The following SLC9A9 variants were observed in gnomAD, a reference collection of about 807,000 sequenced individuals.
The protein encoded by SLC9A9 is solute carrier family 9 member A9.
In SLC9A9, 62 loss-of-function variants were observed where a neutral mutation model predicts 77.8. That is an observed-to-expected ratio of 0.80 (90% confidence interval 0.65 to 0.98). SLC9A9 has a LOEUF of 0.98. Ranked by LOEUF, SLC9A9 falls within the 50% of genes least tolerant of loss-of-function variation. SLC9A9 has a pLI of 0.00. For synonymous variants in SLC9A9, 320 were observed against 283.5 expected, an observed-to-expected ratio of 1.13 and a Z score of -1.29; for missense variants, 775 against 774.9, an observed-to-expected ratio of 1.00 and a Z score of 0.00.
intron 6 of SLC9A9, among the ~76,000 whole-genome samples, chr3:143,606,249 A>G (rs927693273): frequency 6.6e-6 from 1 of 151,896 alleles, no homozygotes; most frequent in African/African-American, 2.4e-5. Flanking sequence ...TACTAAAAAT[A>G]CAAAAATTAG....
intron 4 of SLC9A9, among the ~76,000 whole-genome samples, chr3:143,697,352 C>A (rs1055699290): frequency 6.6e-6 from 1 of 152,078 alleles, no homozygotes; most frequent in Non-Finnish European, 1.5e-5. Flanking sequence ...AATTCGATGA[C>A]TCCTCCTTTT....
Position 143,467,025 on chromosome 3 carries a change from G to T in SLC9A9, c.1469+12C>A. Reference sequence around the variant, plus strand: ...CTCATAATGATTTCCTTTGCTAGACGGTGTCACTCACCTGATCTGAAGCCA... The same window carrying T: ...CTCATAATGATTTCCTTTGCTAGACTGTGTCACTCACCTGATCTGAAGCCA... On this transcript the variant is annotated intron_variant, in intron 12 of 15. Coordinates refer to ENST00000316549, the MANE Select transcript of SLC9A9 (RefSeq NM_173653.4). 1 of 1,612,516 alleles carries T rather than the reference G, an allele frequency of 6.2e-7. No individual in the cohort carries two copies. Among genetic ancestry groups the T allele is most frequent in the South Asian group, 1.1e-5 (1 of 90,706 alleles).
intron 1 of SLC9A9, among the ~76,000 whole-genome samples, chr3:143,842,003 C>T (rs1482067673): frequency 6.6e-6 from 1 of 152,176 alleles, no homozygotes; most frequent in East Asian, 1.9e-4. Flanking sequence ...GATCCACTTG[C>T]CTCGGCCTCC....
At chr3:143,357,495 G>C (rs1476021213) in intron 14 of SLC9A9, among the ~76,000 whole-genome samples, 1 of 152,034 alleles carries the variant, frequency 6.6e-6, no homozygotes, top group Non-Finnish European at 1.5e-5. Context: ...CTCTCCTTTA[G>C]ACAGGTGAGG....
intron 4 of SLC9A9, among the ~76,000 whole-genome samples, chr3:143,751,378 G>A (rs899096092): frequency 3.9e-5 from 6 of 152,166 alleles, no homozygotes; most frequent in Non-Finnish European, 8.8e-5. Flanking sequence ...CGGCAAAGAG[G>A]GCCCTTAGCT....
chr3:143,734,145 T>G (rs1934880157), intron 4 of SLC9A9, among the ~76,000 whole-genome samples: 1 of 151,764 alleles, frequency 6.6e-6, no homozygotes. Flanking sequence ...TATAGTGAGC[T>G]ATGATTGCAC....
intron 4 of SLC9A9, among the ~76,000 whole-genome samples, chr3:143,735,295 A>C (rs967596473): frequency 6.6e-6 from 1 of 152,214 alleles, no homozygotes; most frequent in Non-Finnish European, 1.5e-5. Context: ...AGACCCCTAA[A>C]GTCCTAAAAT....
intron 13 of SLC9A9, among the ~76,000 whole-genome samples, chr3:143,366,005 G>A (rs893814532): frequency 6.6e-6 from 1 of 152,112 alleles, no homozygotes; most frequent in African/African-American, 2.4e-5. Context: ...TTTTGATAGT[G>A]GATAATATCT....
At chr3:143,422,714 C>A (rs1576486604) in intron 12 of SLC9A9, among the ~76,000 whole-genome samples, 1 of 152,136 alleles carries the variant, frequency 6.6e-6, no homozygotes, top group Non-Finnish European at 1.5e-5. Flanking sequence ...AACAGACCTG[C>A]ATGTGTAACC....
chr3:143,430,016 G>A (rs1267304397), intron 12 of SLC9A9, among the ~76,000 whole-genome samples: 1 of 152,212 alleles, frequency 6.6e-6, no homozygotes, highest in Non-Finnish European at 1.5e-5. Context: ...CCACTCTGGT[G>A]CCCTGCCCAT....
At chr3:143,609,104 T>C (rs1357272226) in intron 6 of SLC9A9, among the ~76,000 whole-genome samples, 1 of 152,086 alleles carries the variant, frequency 6.6e-6, no homozygotes, top group Non-Finnish European at 1.5e-5. Flanking sequence ...TGAAGATGAG[T>C]CTATTCTCCA....
At chr3:143,479,490 C>A (rs1398602469) in intron 11 of SLC9A9, among the ~76,000 whole-genome samples, 3 of 152,100 alleles carry the variant, frequency 2.0e-5, no homozygotes, top group Non-Finnish European at 4.4e-5. Flanking sequence ...TGGCCTCAAG[C>A]AATCCTCCCA....
intron 8 of SLC9A9, among the ~76,000 whole-genome samples, chr3:143,557,291 T>G (rs1460654171): frequency 6.6e-6 from 1 of 152,206 alleles, no homozygotes; most frequent in African/African-American, 2.4e-5. Flanking sequence ...TGTGAGTCAA[T>G]TAAACCTCTT....
chr3:143,659,776 A>G (rs2108754953), intron 5 of SLC9A9, among the ~76,000 whole-genome samples: 1 of 152,264 alleles, frequency 6.6e-6, no homozygotes, highest in South Asian at 2.1e-4. Flanking sequence ...AATTAACGTT[A>G]TTGATATAGT....
chr3:143,790,235 T>C (rs1461791831), intron 4 of SLC9A9, among the ~76,000 whole-genome samples: 1 of 152,168 alleles, frequency 6.6e-6, no homozygotes, highest in East Asian at 1.9e-4. Flanking sequence ...GAACTGTGAG[T>C]CAATTAAACC....
intron 15 of SLC9A9, among the ~76,000 whole-genome samples, chr3:143,267,215 T>C (rs769713613): frequency 1.4e-4 from 22 of 152,252 alleles, no homozygotes; most frequent in Admixed American, 3.3e-4. Flanking sequence ...TTTCCACCAC[T>C]GGTATTAACT....
rs113752387 is a variant in SLC9A9, at chr3:143,838,819, T to A, written c.176-6598A>T. Reference sequence around the variant, plus strand: ...ATAAAGAAGAAGGAAATAGTCTGAATAATAATTTAAGGAAACCAAATCAGT... The same window carrying A: ...ATAAAGAAGAAGGAAATAGTCTGAAAAATAATTTAAGGAAACCAAATCAGT... On this transcript the variant is annotated intron_variant, in intron 1 of 15. Transcript: ENST00000316549. 3.7e-3 allele frequency among the ~76,000 whole-genome samples: 567 copies of A among 152,342 alleles called. 5 individuals are homozygous for A. The highest frequency in any genetic ancestry group is 0.013 in the African/African-American group (545 of 41,582).
chr3:143,561,175 C>G (rs999964745), intron 8 of SLC9A9, among the ~76,000 whole-genome samples: 1 of 152,016 alleles, frequency 6.6e-6, no homozygotes, highest in African/African-American at 2.4e-5. Flanking sequence ...GAGTGAAACT[C>G]CATCTCAAAA....
intron 14 of SLC9A9, among the ~76,000 whole-genome samples, chr3:143,333,883 T>C (rs1356844554): frequency 6.7e-6 from 1 of 149,348 alleles, no homozygotes; most frequent in Non-Finnish European, 1.5e-5. Flanking sequence ...TTGTTTTTTG[T>C]GGAGCCCCAG....
Sources: allele counts gnomAD v4.1 joint callset (sites outside exome capture counted in the v4.1 genomes callset), GRCh38; gene constraint gnomAD v4.1.1; transcripts MANE v1.5; gene names NCBI Gene and HGNC (gene_info 2026-07-23, HGNC 2026-07-21).